The following GPC5 variants were observed in gnomAD, a reference collection of about 807,000 sequenced individuals.
GPC5 encodes the protein glypican 5.
A neutral mutation model predicts 53.9 loss-of-function variants in GPC5; 47 were observed. The observed-to-expected ratio is 0.87, with a 90% CI of 0.69 to 1.11. The LOEUF is 1.11. GPC5 is among the 50% of genes most tolerant of loss of function. The pLI is 0.00. For missense variants in GPC5, 748 were observed against 713.1 expected, an observed-to-expected ratio of 1.05 and a Z score of -0.56; for synonymous variants, 286 against 263.3, an observed-to-expected ratio of 1.09 and a Z score of -0.84.
chr13:92,549,696 C>T (rs1383178786), intron 7 of GPC5, among the ~76,000 whole-genome samples: 1 of 152,032 alleles, frequency 6.6e-6, no homozygotes, highest in Non-Finnish European at 1.5e-5. Flanking sequence ...TGCCCATTTA[C>T]AGCAGAGGAG....
At chr13:92,010,919 C>G (rs2040655609) in intron 6 of GPC5, among the ~76,000 whole-genome samples, 1 of 152,158 alleles carries the variant, frequency 6.6e-6, no homozygotes, top group Admixed American at 6.5e-5. Context: ...CTAATACAAA[C>G]TATAAGACAA....
chr13:91,519,903 G>A (rs996133201), intron 2 of GPC5, among the ~76,000 whole-genome samples: 10 of 151,074 alleles, frequency 6.6e-5, no homozygotes, highest in Admixed American at 2.6e-4. Context: ...ATAGTTCCAA[G>A]GAAAAAAAGA....
chr13:92,566,173 G>T (rs1195444152), intron 7 of GPC5, among the ~76,000 whole-genome samples: 1 of 151,928 alleles, frequency 6.6e-6, no homozygotes, highest in Admixed American at 6.6e-5. Flanking sequence ...ACCCCTAAAG[G>T]TCCTATACAC....
At chr13:92,009,708 T>G (rs1385483262) in intron 6 of GPC5, among the ~76,000 whole-genome samples, 1 of 152,176 alleles carries the variant, frequency 6.6e-6, no homozygotes, top group Non-Finnish European at 1.5e-5. Context: ...ATTTCCTTTG[T>G]CTCTTCAAGT....
intron 2 of GPC5, among the ~76,000 whole-genome samples, chr13:91,641,720 T>G (rs760847847): frequency 2.0e-5 from 3 of 152,234 alleles, no homozygotes; most frequent in Non-Finnish European, 4.4e-5. Flanking sequence ...GTATCATATT[T>G]AGTTTATCAG....
At chr13:92,011,509 C>G (rs922990419) in intron 6 of GPC5, among the ~76,000 whole-genome samples, 2 of 152,104 alleles carry the variant, frequency 1.3e-5, no homozygotes, top group African/African-American at 4.8e-5. Context: ...TATTTTTAAG[C>G]CTTGTAAGCT....
chr13:92,385,411 C>CAT (rs1279962284), intron 7 of GPC5, among the ~76,000 whole-genome samples: 1 of 35,610 alleles, frequency 2.8e-5, no homozygotes, highest in Non-Finnish European at 7.0e-5. Flanking sequence ...CATATATACA[C>CAT]ATATATATAC....
At chr13:92,716,692 T>C (rs1888339005) in intron 7 of GPC5, among the ~76,000 whole-genome samples, 1 of 152,162 alleles carries the variant, frequency 6.6e-6, no homozygotes, top group Non-Finnish European at 1.5e-5. Context: ...AGTAGGAGCA[T>C]GATATTTTAT....
intron 5 of GPC5, among the ~76,000 whole-genome samples, chr13:91,900,539 A>G: frequency 6.6e-6 from 1 of 152,114 alleles, no homozygotes; most frequent in East Asian, 1.9e-4. Flanking sequence ...ATCATTTCAT[A>G]TTTGGACAGT....
At position 92,755,802 on chromosome 13, in the gene GPC5, G is replaced by C. The variant is rs552627909; in HGVS notation, c.1562-110480G>C. On this transcript the variant is annotated intron_variant, in intron 7 of 7. Coordinates refer to ENST00000377067, the MANE Select transcript of GPC5 (RefSeq NM_004466.6). ...CAGGAAGAAGTTGAATCTCTGAATA[G>C]ACCAATAACAGGATCTGAAATTGTG... 1.1e-3 allele frequency among the ~76,000 whole-genome samples: 155 copies of C among 141,346 alleles called. 4 individuals carry two copies. The highest frequency in any genetic ancestry group is 4.0e-3 in the African/African-American group (153 of 38,288). 92.7% of individuals were successfully genotyped at this position (141,346 alleles called of 152,430 possible).
At chr13:92,709,895 CTTCTT>C (rs1284436427) in intron 7 of GPC5, among the ~76,000 whole-genome samples, 4 of 152,166 alleles carry the variant, frequency 2.6e-5, no homozygotes, top group Admixed American at 6.5e-5. Context: ...CATAGCTCCT[CTTCTT>C]TTAAGTGGAT....
intron 2 of GPC5, among the ~76,000 whole-genome samples, chr13:91,559,445 C>A (rs1226437723): frequency 6.6e-6 from 1 of 152,132 alleles, no homozygotes; most frequent in South Asian, 2.1e-4. Context: ...AATAGTTACT[C>A]TAGCTAGAGG....
intron 7 of GPC5, among the ~76,000 whole-genome samples, chr13:92,408,801 G>A (rs1167796324): frequency 6.6e-6 from 1 of 151,800 alleles, no homozygotes; most frequent in African/African-American, 2.4e-5. Flanking sequence ...AATAACTAAG[G>A]TAGTTTTGAA....
intron 2 of GPC5, among the ~76,000 whole-genome samples, chr13:91,526,635 C>T (rs1886098358): frequency 6.6e-6 from 1 of 152,224 alleles, no homozygotes. Context: ...CAAGTCTCTA[C>T]ATCAGCGGCT....
intron 2 of GPC5, among the ~76,000 whole-genome samples, chr13:91,570,372 A>G (rs539377483): frequency 1.3e-5 from 2 of 152,304 alleles, no homozygotes; most frequent in South Asian, 2.1e-4. Flanking sequence ...GTTCCTTGGC[A>G]TATTTTGGAT....
intron 2 of GPC5, among the ~76,000 whole-genome samples, chr13:91,513,355 T>TGC (rs1491238976): frequency 1.3e-5 from 1 of 77,706 alleles, no homozygotes; most frequent in African/African-American, 9.9e-5. Context: ...TGTTTTCATT[T>TGC]GTGTGTGTGT....
At chr13:92,757,102 C>G (rs1373681378) in intron 7 of GPC5, among the ~76,000 whole-genome samples, 1 of 151,748 alleles carries the variant, frequency 6.6e-6, no homozygotes, top group African/African-American at 2.4e-5. Context: ...CTACAGTAAC[C>G]AAAACAGCAT....
intron 5 of GPC5, among the ~76,000 whole-genome samples, chr13:91,816,766 T>C (rs2038406418): frequency 6.6e-6 from 1 of 152,174 alleles, no homozygotes; most frequent in Non-Finnish European, 1.5e-5. Flanking sequence ...CTGTGAAGGA[T>C]TTCCCCTGAG....
intron 1 of GPC5, among the ~76,000 whole-genome samples, chr13:91,416,552 G>A (rs745997538): frequency 1.2e-4 from 18 of 151,778 alleles, no homozygotes; most frequent in African/African-American, 1.9e-4. Context: ...TTGGTTTGCC[G>A]CACCCATCAA....
Sources: allele counts gnomAD v4.1 joint callset (sites outside exome capture counted in the v4.1 genomes callset), GRCh38; gene constraint gnomAD v4.1.1; transcripts MANE v1.5; gene names NCBI Gene and HGNC (gene_info 2026-07-23, HGNC 2026-07-21).